GRM1: variants seen among roughly 807,000 people sequenced by gnomAD.
The protein encoded by GRM1 is metabotropic glutamate receptor 1.
Under a neutral mutation model 90.9 loss-of-function variants are expected in GRM1, and 33 were observed. The observed-to-expected ratio is 0.36, with a 90% CI of 0.28 to 0.49. The LOEUF (loss-of-function observed/expected upper bound fraction) is 0.49. GRM1 is among the 20% of genes least tolerant of loss of function. The probability of loss-of-function intolerance (pLI) is 0.99; values close to 1 mark genes in which losing one functional copy is unlikely to be tolerated. For synonymous variants in GRM1, 700 were observed against 613.2 expected, an observed-to-expected ratio of 1.14 and a Z score of -2.09; for missense variants, 1,190 against 1,534.3, an observed-to-expected ratio of 0.78 and a Z score of 3.75.
Position 146,146,103 on chromosome 6 carries a change from C to CTTTTTTTTTTTTTTTTTTTTT in GRM1, c.701-13229_701-13209dup, listed in dbSNP as rs35329703. ...CTGTGCCTATGTACTACCATTGTATCTTTTTTTTTTTTTTTTTTTTTTTTT... is the reference window on the plus strand; with the variant it reads ...CTGTGCCTATGTACTACCATTGTATCTTTTTTTTTTTTTTTTTTTTTTTTTTTTTTTTTTTTTTTTTTTTTT... On this transcript the variant is annotated intron_variant, in intron 1 of 7. Transcript: ENST00000282753. 3.0e-3 allele frequency among the ~76,000 whole-genome samples: 59 copies of CTTTTTTTTTTTTTTTTTTTTT among 19,990 alleles called. 23 individuals carry two copies. The highest frequency in any genetic ancestry group is 5.6e-3 in the Admixed American group (7 of 1,240). The allele number at this position is 19,990 out of a possible 152,430, so 13.1% of individuals were successfully genotyped here. A position where few individuals can be genotyped will look rare whatever the true frequency, so the allele number is the denominator to read the frequency against.
chr6:146,402,568 T>A (rs941109891), intron 7 of GRM1, among the ~76,000 whole-genome samples: 11 of 151,928 alleles, frequency 7.2e-5, no homozygotes, highest in African/African-American at 2.7e-4. Context: ...ACCCAATGAG[T>A]TTATTGCTAT....
intron 2 of GRM1, among the ~76,000 whole-genome samples, chr6:146,244,468 G>A (rs1049496826): frequency 6.6e-6 from 1 of 152,176 alleles, no homozygotes; most frequent in African/African-American, 2.4e-5. Context: ...TTCAGTAAAT[G>A]TCTAGGTGTT....
intron 1 of GRM1, among the ~76,000 whole-genome samples, chr6:146,085,996 T>G (rs575010821): frequency 5.3e-4 from 80 of 152,270 alleles, no homozygotes; most frequent in Non-Finnish European, 9.9e-4. Context: ...GACGGGGATA[T>G]AGAAATATAA....
At chr6:146,398,353 A>T (rs1777042036) in intron 6 of GRM1, among the ~76,000 whole-genome samples, 1 of 152,246 alleles carries the variant, frequency 6.6e-6, no homozygotes, top group Non-Finnish European at 1.5e-5. Context: ...TGGCTGCATC[A>T]AAAGAAAAGT....
intron 2 of GRM1, among the ~76,000 whole-genome samples, chr6:146,261,883 T>C (rs796393299): frequency 7.2e-5 from 11 of 152,048 alleles, no homozygotes; most frequent in African/African-American, 2.4e-4. Context: ...AGCTACAAAT[T>C]ATAGTCATTT....
At chr6:146,194,403 C>A (rs572662541) in intron 2 of GRM1, among the ~76,000 whole-genome samples, 1 of 152,292 alleles carries the variant, frequency 6.6e-6, no homozygotes, top group South Asian at 2.1e-4. Flanking sequence ...TAATATCCAG[C>A]TAACACTGTA....
At chr6:146,404,573 G>A (rs1777271190) in intron 7 of GRM1, among the ~76,000 whole-genome samples, 2 of 152,238 alleles carry the variant, frequency 1.3e-5, no homozygotes, top group South Asian at 4.1e-4. Context: ...TTTTCAACTG[G>A]AGAAATTGTG....
intron 2 of GRM1, among the ~76,000 whole-genome samples, chr6:146,183,655 C>A (rs1375385259): frequency 1.3e-5 from 2 of 152,100 alleles, no homozygotes; most frequent in Non-Finnish European, 2.9e-5. Context: ...GTATTATGAT[C>A]TTAAAGTTCT....
At chr6:146,265,840 G>A (rs2114804768) in intron 2 of GRM1, among the ~76,000 whole-genome samples, 1 of 152,166 alleles carries the variant, frequency 6.6e-6, no homozygotes, top group East Asian at 1.9e-4. Context: ...TTACTTATGG[G>A]TTGTCTATTG....
intron 7 of GRM1, among the ~76,000 whole-genome samples, chr6:146,411,377 G>T (rs569347738): frequency 6.6e-6 from 1 of 152,276 alleles, no homozygotes; most frequent in African/African-American, 2.4e-5. Flanking sequence ...ATTCCAGGAT[G>T]CCTGGAGCAG....
At chr6:146,135,029 A>G (rs1776566480) in intron 1 of GRM1, among the ~76,000 whole-genome samples, 1 of 152,264 alleles carries the variant, frequency 6.6e-6, no homozygotes, top group Admixed American at 6.5e-5. Flanking sequence ...TATGATGATT[A>G]CAATTCAGAT....
rs181257870 is a variant in GRM1 at position 146,203,025 on chromosome 6, C to T, written c.950+43428C>T. Reference sequence around the variant, plus strand: ...CCTGGCTAACACGGTGAAACCCCGTCTCACTAAAAATACAAAAAATTAGCC... The same window carrying T: ...CCTGGCTAACACGGTGAAACCCCGTTTCACTAAAAATACAAAAAATTAGCC... On this transcript the variant is annotated intron_variant, in intron 2 of 7. Coordinates refer to ENST00000282753, the MANE Select transcript of GRM1 (RefSeq NM_001278064.2). 9.5e-4 allele frequency among the ~76,000 whole-genome samples: 145 copies of T among 151,958 alleles called. 1 individual carries two copies. Among genetic ancestry groups the T allele is most frequent in the African/African-American group, 3.2e-3 (133 of 41,460 alleles).
At chr6:146,180,409 A>G (rs1778505348) in intron 2 of GRM1, among the ~76,000 whole-genome samples, 1 of 152,152 alleles carries the variant, frequency 6.6e-6, no homozygotes, top group Non-Finnish European at 1.5e-5. Flanking sequence ...AGGAAAAGTT[A>G]TCTTAACTGA....
At chr6:146,254,409 T>C (rs1014853725) in intron 2 of GRM1, among the ~76,000 whole-genome samples, 1 of 151,998 alleles carries the variant, frequency 6.6e-6, no homozygotes, top group Non-Finnish European at 1.5e-5. Context: ...CAAAAGGAAA[T>C]TGGGATGCTG....
intron 2 of GRM1, among the ~76,000 whole-genome samples, chr6:146,269,879 G>A (rs1782048539): frequency 6.6e-6 from 1 of 151,886 alleles, no homozygotes; most frequent in African/African-American, 2.4e-5. Flanking sequence ...TGACCAGGAT[G>A]GTGAGCAAAC....
chr6:146,149,004 G>T (rs1412139969), intron 1 of GRM1, among the ~76,000 whole-genome samples: 1 of 152,140 alleles, frequency 6.6e-6, no homozygotes, highest in African/African-American at 2.4e-5. Flanking sequence ...TTCCAAGAAT[G>T]ATGATCTCCT....
chr6:146,257,991 A>AC, intron 2 of GRM1, among the ~76,000 whole-genome samples: 1 of 151,870 alleles, frequency 6.6e-6, no homozygotes, highest in African/African-American at 2.4e-5. Context: ...CTTCCGTAAA[A>AC]AAAAAAAAAT....
intron 1 of GRM1, among the ~76,000 whole-genome samples, chr6:146,150,426 A>G (rs1777280885): frequency 6.6e-6 from 1 of 152,040 alleles, no homozygotes; most frequent in Admixed American, 6.6e-5. Context: ...AATTATTTTT[A>G]TTTTTGGATA....
intron 1 of GRM1, among the ~76,000 whole-genome samples, chr6:146,054,301 A>G (rs910743783): frequency 2.0e-5 from 3 of 152,102 alleles, no homozygotes; most frequent in African/African-American, 7.2e-5. Context: ...CATTATTTAC[A>G]TTCTCTGGAT....
Sources: allele counts gnomAD v4.1 joint callset (sites outside exome capture counted in the v4.1 genomes callset), GRCh38; gene constraint gnomAD v4.1.1; transcripts MANE v1.5; gene names NCBI Gene and HGNC (gene_info 2026-07-23, HGNC 2026-07-21).